Variants in PDGFC observed in about 807,000 individuals in gnomAD.
PDGFC encodes the protein platelet-derived growth factor C.
In PDGFC, 12 loss-of-function variants were observed where a neutral mutation model predicts 35.5. The observed-to-expected ratio is 0.34, with a 90% CI of 0.22 to 0.55. The LOEUF is 0.55. Among genes scored for constraint, PDGFC ranks in the 20% least tolerant of loss-of-function variants. PDGFC has a pLI of 0.91. For missense variants in PDGFC, 322 were observed against 412.4 expected (o/e 0.78, Z 1.90); for synonymous variants, 159 against 148.8 (o/e 1.07, Z -0.50).
chr4:156,932,931 A>AC (rs1253269149), intron 1 of PDGFC, among the ~76,000 whole-genome samples: 18 of 152,028 alleles, frequency 1.2e-4, no homozygotes, highest in African/African-American at 4.4e-4. Flanking sequence ...ACACACACAC[A>AC]AACACACACA....
intron 1 of PDGFC, among the ~76,000 whole-genome samples, chr4:156,907,178 A>T (rs1016592567): frequency 1.3e-5 from 2 of 152,204 alleles, no homozygotes; most frequent in African/African-American, 4.8e-5. Flanking sequence ...TAGACTTTTA[A>T]AGAGATGTTT....
intron 1 of PDGFC, among the ~76,000 whole-genome samples, chr4:156,954,606 A>G (rs1349188262): frequency 6.6e-6 from 1 of 152,056 alleles, no homozygotes; most frequent in African/African-American, 2.4e-5. Context: ...CTGTTTAAAA[A>G]TAAGTTTCCT....
At chr4:156,820,014 A>T (rs902031678) in intron 2 of PDGFC, among the ~76,000 whole-genome samples, 15 of 152,332 alleles carry the variant, frequency 9.8e-5, no homozygotes, top group Middle Eastern at 3.4e-3. Flanking sequence ...TGGTGGAAAT[A>T]GCAAGAGAAC....
In PDGFC at chr4:156,964,099, G is replaced by A. The variant is rs142099620; in HGVS notation, c.118+6687C>T. ...AAAATAATAGGTTATACTTTCTAGCGTTCACTAAACATGCTTATTTATTCA... is the reference window on the plus strand; with the variant it reads ...AAAATAATAGGTTATACTTTCTAGCATTCACTAAACATGCTTATTTATTCA... On this transcript the variant is annotated intron_variant, in intron 1 of 5. Transcript: ENST00000502773. Among the ~76,000 whole-genome samples, 794 of 151,178 alleles carry A rather than the reference G, an allele frequency of 5.3e-3. 11 individuals are homozygous for A. Among genetic ancestry groups the A allele is most frequent in the African/African-American group, 0.018 (752 of 41,262 alleles).
At chr4:156,814,680 T>G in intron 2 of PDGFC, among the ~76,000 whole-genome samples, 1 of 152,218 alleles carries the variant, frequency 6.6e-6, no homozygotes, top group East Asian at 1.9e-4. Flanking sequence ...CTTTACTATA[T>G]ATTATTTTCT....
At position 156,964,262 on chromosome 4, in the gene PDGFC, A is replaced by G. The variant is rs187246016; in HGVS notation, c.118+6524T>C. ...CCATCACTGAATAAGCCAAAATATT[A>G]AAATAAACATCCTTCATCTATATAC... On this transcript the variant is annotated intron_variant, in intron 1 of 5. Transcript: ENST00000502773. 2.3e-3 allele frequency among the ~76,000 whole-genome samples: 348 copies of G among 151,820 alleles called. 4 individuals are homozygous for G. The highest frequency in any genetic ancestry group is 8.2e-3 in the African/African-American group (340 of 41,470).
At chr4:156,858,903 T>G (rs927274356) in intron 1 of PDGFC, among the ~76,000 whole-genome samples, 5 of 152,094 alleles carry the variant, frequency 3.3e-5, no homozygotes, top group African/African-American at 1.2e-4. Context: ...TTTACAACAT[T>G]CAGAGCAGAA....
At chr4:156,812,307 A>G (rs1731955839) in intron 2 of PDGFC, among the ~76,000 whole-genome samples, 1 of 152,100 alleles carries the variant, frequency 6.6e-6, no homozygotes, top group South Asian at 2.1e-4. Flanking sequence ...TTTCTAGGGT[A>G]ATTGTTACTG....
intron 3 of PDGFC, among the ~76,000 whole-genome samples, chr4:156,810,504 T>C (rs779951133): frequency 2.0e-5 from 3 of 152,014 alleles, no homozygotes; most frequent in Non-Finnish European, 4.4e-5. Context: ...TATTGCTTCT[T>C]TTTAGCTATA....
At chr4:156,775,947 T>A (rs184891023) in intron 3 of PDGFC, among the ~76,000 whole-genome samples, 11 of 152,184 alleles carry the variant, frequency 7.2e-5, no homozygotes, top group Non-Finnish European at 1.5e-4. Flanking sequence ...ATTCAAAGAA[T>A]CAATCCCTGG....
intron 1 of PDGFC, among the ~76,000 whole-genome samples, chr4:156,922,154 T>C (rs1161743550): frequency 1.2e-5 from 1 of 86,506 alleles, no homozygotes; most frequent in East Asian, 3.9e-4. Context: ...CAAGGATTCA[T>C]AGTGTGTGTG....
chr4:156,780,107 G>GTTTTTTTT (rs35403686), intron 3 of PDGFC, among the ~76,000 whole-genome samples: 1 of 125,026 alleles, frequency 8.0e-6, no homozygotes, highest in Non-Finnish European at 1.7e-5. Context: ...CAAAATTAAG[G>GTTTTTTTT]TTTTTTTTTT....
At chr4:156,831,080 C>A (rs1461871045) in intron 2 of PDGFC, among the ~76,000 whole-genome samples, 1 of 152,144 alleles carries the variant, frequency 6.6e-6, no homozygotes, top group African/African-American at 2.4e-5. Context: ...TTCCTCCATA[C>A]ATAGAGAGGA....
At chr4:156,902,415 C>A (rs541027420) in intron 1 of PDGFC, among the ~76,000 whole-genome samples, 1 of 152,278 alleles carries the variant, frequency 6.6e-6, no homozygotes, top group East Asian at 1.9e-4. Flanking sequence ...CTCCTTACCT[C>A]CTCAGAGGTA....
intron 3 of PDGFC, among the ~76,000 whole-genome samples, chr4:156,795,372 T>A (rs2110895041): frequency 6.6e-6 from 1 of 152,282 alleles, no homozygotes; most frequent in South Asian, 2.1e-4. Flanking sequence ...AAAAGGTATC[T>A]TTAAGTTTTC....
intron 1 of PDGFC, among the ~76,000 whole-genome samples, chr4:156,881,293 A>T (rs747185822): frequency 6.6e-6 from 1 of 152,114 alleles, no homozygotes; most frequent in Non-Finnish European, 1.5e-5. Context: ...TTTTTTACTT[A>T]AGGTATGTAC....
intron 2 of PDGFC, among the ~76,000 whole-genome samples, chr4:156,845,293 A>G (rs1209790222): frequency 1.3e-5 from 2 of 151,860 alleles, no homozygotes; most frequent in Admixed American, 6.6e-5. Context: ...AAAATAAAAC[A>G]ATTAAAATAA....
intron 3 of PDGFC, among the ~76,000 whole-genome samples, chr4:156,790,276 C>CT (rs1731258778): frequency 1.3e-5 from 2 of 152,062 alleles, no homozygotes; most frequent in African/African-American, 2.4e-5. Context: ...TGGTGAAGGT[C>CT]ATAAAATTAT....
At chr4:156,816,912 T>C (rs149909201) in intron 2 of PDGFC, among the ~76,000 whole-genome samples, 2 of 152,200 alleles carry the variant, frequency 1.3e-5, no homozygotes, top group Admixed American at 1.3e-4. Flanking sequence ...TTTAGGCCTA[T>C]AAATTTTATA....
Sources: gnomAD v4.1 joint callset for allele counts (sites outside exome capture counted in the v4.1 genomes callset) on GRCh38, gnomAD v4.1.1 for gene constraint, MANE v1.5 for transcripts, NCBI Gene and HGNC (gene_info 2026-07-23, HGNC 2026-07-21) for gene names.